ESRRB: variants seen among roughly 807,000 people sequenced by gnomAD.
ESRRB encodes estrogen related receptor beta.
A neutral mutation model predicts 46.0 loss-of-function variants in ESRRB; 16 were observed. That is an observed-to-expected ratio of 0.35 (90% CI 0.24 to 0.53). The LOEUF (loss-of-function observed/expected upper bound fraction) is 0.53, where lower values mean the gene tolerates loss of function less well. Among genes scored for constraint, ESRRB ranks in the 20% least tolerant of loss-of-function variants. The pLI, the probability that ESRRB is intolerant of heterozygous loss-of-function variation, is 0.93. For missense variants in ESRRB, 488 were observed against 607.4 expected (o/e 0.80, Z 2.07); for synonymous variants, 246 against 259.6 (o/e 0.95, Z 0.50).
At chr14:76,344,694 T>C (rs936752390) in intron 1 of ESRRB, among the ~76,000 whole-genome samples, 9 of 152,008 alleles carry the variant, frequency 5.9e-5, no homozygotes, top group Admixed American at 6.6e-5. Context: ...CTACTAAAAA[T>C]TCAAAAAATT....
intron 1 of ESRRB, among the ~76,000 whole-genome samples, chr14:76,338,497 G>A (rs1264679867): frequency 1.3e-5 from 2 of 152,224 alleles, no homozygotes; most frequent in East Asian, 3.9e-4. Context: ...TCCTTAGCCA[G>A]ATGGTACATC....
At chr14:76,461,106 A>G (rs368050235) in intron 2 of ESRRB, among the ~76,000 whole-genome samples, 20 of 152,072 alleles carry the variant, frequency 1.3e-4, no homozygotes, top group African/African-American at 4.3e-4. Context: ...TTCGTTAATA[A>G]GAGTCAGCAG....
chr14:76,310,980 CT>C, intron 1 of ESRRB: 1 of 84,884 alleles, frequency 1.2e-5, no homozygotes, highest in Non-Finnish European at 2.3e-5. Flanking sequence ...TGTCCCCTTT[CT>C]CTCTCTCTCT....
intron 1 of ESRRB, among the ~76,000 whole-genome samples, chr14:76,327,085 C>A (rs1372010471): frequency 6.6e-6 from 1 of 152,384 alleles, no homozygotes; most frequent in East Asian, 1.9e-4. Context: ...GCCTTCCTGG[C>A]TGCTGGGCAA....
intron 1 of ESRRB, among the ~76,000 whole-genome samples, chr14:76,391,563 G>A (rs954081501): frequency 4.6e-5 from 7 of 152,260 alleles, no homozygotes; most frequent in Admixed American, 6.5e-5. Context: ...GCCTTGCCGA[G>A]GAGAAGGCAG....
intron 1 of ESRRB, among the ~76,000 whole-genome samples, chr14:76,394,577 CTG>C (rs1387004586): frequency 6.6e-6 from 1 of 152,222 alleles, no homozygotes; most frequent in Non-Finnish European, 1.5e-5. Context: ...GAAGAGAAAA[CTG>C]AGGGCTTGAG....
chr14:76,448,860 G>A (rs527301036), intron 2 of ESRRB, among the ~76,000 whole-genome samples: 13 of 150,012 alleles, frequency 8.7e-5, no homozygotes, highest in Non-Finnish European at 1.6e-4. Flanking sequence ...ATTTAGTTAC[G>A]CTTGTATATT....
chr14:76,375,302 A>C (rs1884724702), upstream of ESRRB, among the ~76,000 whole-genome samples: 1 of 152,142 alleles, frequency 6.6e-6, no homozygotes, highest in Non-Finnish European at 1.5e-5. Context: ...ATTCGGGTTC[A>C]CTGAGGGAGC....
chr14:76,388,921 C>T (rs1885354042), intron 1 of ESRRB, among the ~76,000 whole-genome samples: 1 of 152,172 alleles, frequency 6.6e-6, no homozygotes, highest in Non-Finnish European at 1.5e-5. Flanking sequence ...TCTCAGTGCC[C>T]TACCTTGGTG....
At position 76,482,367 on chromosome 14, in the gene ESRRB, G is replaced by T. The variant is rs1303767359; in HGVS notation, c.689-231G>T. 1.3e-5 allele frequency among the ~76,000 whole-genome samples: 2 copies of T among 152,166 alleles called. No homozygotes were observed. The highest frequency in any genetic ancestry group is 2.1e-4 in the South Asian group (1 of 4,830). On this transcript the variant is annotated intron_variant, in intron 4 of 6. Transcript: ENST00000644823. The surrounding 1 kb of genome is among the most constrained non-coding windows in gnomAD (Gnocchi z 4.3). ...CCACCCACCCAAAGTTGCTCTGCAG[G>T]TTCCTCCTGGAGAATTCGTCAGGCA...
At chr14:76,431,749 C>T (rs1474212759) in intron 1 of ESRRB, among the ~76,000 whole-genome samples, 2 of 152,148 alleles carry the variant, frequency 1.3e-5, no homozygotes, top group Non-Finnish European at 2.9e-5. Flanking sequence ...CTTGGATGGG[C>T]GTCTGTTCCC....
intron 1 of ESRRB, among the ~76,000 whole-genome samples, chr14:76,322,424 C>T (rs1160502243): frequency 6.6e-6 from 1 of 152,210 alleles, no homozygotes; most frequent in Non-Finnish European, 1.5e-5. Context: ...TTTCCGAAAG[C>T]ACGTGCTCAT....
At chr14:76,461,107 G>A (rs1888839748) in intron 2 of ESRRB, among the ~76,000 whole-genome samples, 1 of 152,016 alleles carries the variant, frequency 6.6e-6, no homozygotes, top group South Asian at 2.1e-4. Flanking sequence ...TCGTTAATAA[G>A]AGTCAGCAGG....
chr14:76,496,848 G>A (rs929748901), intron 6 of ESRRB, among the ~76,000 whole-genome samples: 30 of 152,298 alleles, frequency 2.0e-4, no homozygotes, highest in East Asian at 1.5e-3. Context: ...CTGGGAGCCT[G>A]CTGGCTGCGG....
Position 76,355,297 on chromosome 14 carries a change from G to A in ESRRB, c.2+44381G>A, listed in dbSNP as rs193269033. ...GCTTGGGACCCGAAATACTGAGTTT[G>A]TGTGTGTTAAGGACCCTGGCAGACT... On this transcript the variant is annotated intron_variant, in intron 1 of 6. Coordinates refer to the ESRRB transcript ENST00000512784. 1.6e-3 allele frequency among the ~76,000 whole-genome samples: 240 copies of A among 152,248 alleles called. 1 individual carries two copies. The highest frequency in any genetic ancestry group is 1.2e-3 in the Non-Finnish European group (82 of 68,020).
intron 1 of ESRRB, among the ~76,000 whole-genome samples, chr14:76,406,079 G>C (rs72731638): frequency 0.044 from 6,754 of 152,198 alleles, 384 homozygotes; most frequent in East Asian, 0.28. Flanking sequence ...TTTCATATTT[G>C]GGGATTAAAA....
intron 3 of ESRRB, among the ~76,000 whole-genome samples, chr14:76,481,184 G>A (rs1252791187): frequency 6.6e-6 from 1 of 152,196 alleles, no homozygotes; most frequent in East Asian, 1.9e-4. Flanking sequence ...CACATCAGTG[G>A]GTAGCCAGTC....
At chr14:76,407,182 C>T (rs1026519699) in intron 1 of ESRRB, among the ~76,000 whole-genome samples, 3 of 152,218 alleles carry the variant, frequency 2.0e-5, no homozygotes, top group African/African-American at 7.2e-5. Context: ...GAAGCTCATC[C>T]TCAGAAATTC....
At position 76,347,051 on chromosome 14, in the gene ESRRB, G is replaced by C. The variant is rs535263317; in HGVS notation, c.2+36135G>C. The stretch of plus-strand genomic sequence containing the variant: ...AGATGCCACTATGGGGGCTGTAGCA[G>C]GAAGTGAGGTTTCTCTGACACCTTT... On this transcript the variant is annotated intron_variant, in intron 1 of 6. Coordinates refer to the ESRRB transcript ENST00000512784. 3.9e-5 allele frequency among the ~76,000 whole-genome samples: 6 copies of C among 152,314 alleles called. No individual in the cohort carries two copies. The East Asian group carries it at 1.2e-3, about 29-fold the overall frequency.
Sources: gnomAD v4.1 joint callset for allele counts (sites outside exome capture counted in the v4.1 genomes callset) on GRCh38, gnomAD v4.1.1 for gene constraint, Gnocchi (gnomAD v3.1) non-coding constraint, MANE v1.5 for transcripts, NCBI Gene and HGNC (gene_info 2026-07-23, HGNC 2026-07-21) for gene names.